Variants in BRCA2 observed in about 807,000 individuals in gnomAD.
The protein encoded by BRCA2 is BRCA2 DNA repair associated.
BRCA2 carries 203 observed loss-of-function variants against 276.7 expected under a neutral mutation model. The ratio of observed to expected loss-of-function variants is 0.73; its 90% CI spans 0.65 to 0.82. BRCA2 has a LOEUF of 0.82. BRCA2 is among the 40% of genes least tolerant of loss of function. BRCA2 has a pLI of 0.00. For missense variants in BRCA2, 3,920 were observed against 3,915.0 expected, an observed-to-expected ratio of 1.00 and a Z score of -0.03; for synonymous variants, 1,289 against 1,338.4, an observed-to-expected ratio of 0.96 and a Z score of 0.81.
At chr13:32,324,566 A>G (rs1181771728) in intron 3 of BRCA2, among the ~76,000 whole-genome samples, 1 of 152,194 alleles carries the variant, frequency 6.6e-6, no homozygotes, top group Non-Finnish European at 1.5e-5. Context: ...TTTTTAGCAC[A>G]AGTGATATTG....
At chr13:32,356,010 A>G (rs2137560690) in intron 14 of BRCA2, among the ~76,000 whole-genome samples, 1 of 151,878 alleles carries the variant, frequency 6.6e-6, no homozygotes, top group African/African-American at 2.4e-5. Flanking sequence ...AACTTCGAGG[A>G]AATTGATATG....
intron 18 of BRCA2, among the ~76,000 whole-genome samples, chr13:32,368,266 C>T (rs866715255): frequency 2.8e-4 from 43 of 151,828 alleles, no homozygotes; most frequent in South Asian, 6.2e-4. Context: ...GTGATCTGCC[C>T]GCCTTGGCCT....
At chr13:32,327,386 G>T (rs564149674) in intron 7 of BRCA2, among the ~76,000 whole-genome samples, 2 of 152,282 alleles carry the variant, frequency 1.3e-5, no homozygotes, top group African/African-American at 4.8e-5. Context: ...GGCAGAGGGT[G>T]CAGTGAGCCG....
chr13:32,377,794 G>A (rs2137616125), intron 21 of BRCA2, among the ~76,000 whole-genome samples: 1 of 152,248 alleles, frequency 6.6e-6, no homozygotes, highest in South Asian at 2.1e-4. Flanking sequence ...GGAGGAAGGA[G>A]CAAATATTTT....
rs1247198934 is a variant in BRCA2 at position 32,363,405 on chromosome 13, C to T, written c.8203C>T (p.Pro2735Ser). ...TGCTGTTAAGGCCCAGTTAGATCCT[C>T]CCCTCTTAGCTGTCTTAAAGAATGG... ...WYAVKAQLDP[P>S]LLAVLKNGRL... Residue 2735 changes from proline to serine, a missense_variant, in exon 18 of 27, where the codon CCC (proline) becomes TCC (serine). By Grantham distance (74) the Pro-to-Ser change is moderately conservative (BLOSUM62 -1). Coordinates refer to ENST00000380152, the MANE Select transcript of BRCA2 (RefSeq NM_000059.4). 1 of 1,614,030 alleles carries T rather than the reference C, an allele frequency of 6.2e-7. No homozygotes were observed. Among genetic ancestry groups the T allele is most frequent in the Admixed American group, 1.7e-5 (1 of 60,004 alleles).
rs2137462003 is a variant in BRCA2 at position 32,330,997 on chromosome 13, G to C, written c.760G>C (p.Glu254Gln). ...ATTTATCGCTTCTGTGACAGACAGT[G>C]AAAACACAAATCAAAGAGAAGCTGC... is the stretch of plus-strand genomic sequence containing the variant. ...DRFIASVTDSENTNQREAASH... is the reference protein window; with the variant it reads ...DRFIASVTDSQNTNQREAASH... Residue 254 changes from glutamate (E) to glutamine (Q), a missense_variant, in exon 9 of 27, where the codon GAA (glutamate) becomes CAA (glutamine). Transcript: ENST00000380152. The C allele has an allele frequency of 6.2e-7, 1 of 1,613,022 alleles. No individual in the cohort carries two copies. The highest frequency in any genetic ancestry group is 8.5e-7 in the Non-Finnish European group (1 of 1,179,116).
At position 32,337,103 on chromosome 13, in the gene BRCA2, T is replaced by C; in HGVS notation, c.2748T>C (p.Cys916=). The change falls in exon 11 of 27, where the codon TGT becomes TGC. Residue 916 remains cysteine (C), a synonymous_variant. Coordinates refer to ENST00000380152, the MANE Select transcript of BRCA2 (RefSeq NM_000059.4). The part of the protein sequence containing the change: ...TKELHETDLT[C]VNEPIFKNST... ...AACTTCATGAAACAGACTTGACTTG[T>C]GTAAACGAACCCATTTTCAAGAACT... The C allele has an allele frequency of 1.2e-6, 2 of 1,613,872 alleles. No individual in the cohort carries two copies. The highest frequency in any genetic ancestry group is 8.5e-7 in the Non-Finnish European group (1 of 1,179,902).
intron 3 of BRCA2, among the ~76,000 whole-genome samples, chr13:32,324,225 C>T (rs1406885922): frequency 6.6e-6 from 1 of 152,230 alleles, no homozygotes; most frequent in Middle Eastern, 3.4e-3. Flanking sequence ...TTAATCTTAC[C>T]TTAGGGATCA....
rs561002197 is a variant in BRCA2, at chr13:32,332,465, G to A, written c.987G>A (p.Arg329=). The part of the protein sequence containing the change: ...NLQKVRTSKT[R]KKIFHEANAD... ...AAAAAGTAAGAACTAGCAAGACTAG[G>A]AAAAAAATTTTCCATGAAGCAAACG... The change falls in exon 10 of 27, where the codon AGG becomes AGA. Residue 329 remains arginine (R), a synonymous_variant. Transcript: ENST00000380152. 186 of 1,592,942 alleles carry A rather than the reference G, an allele frequency of 1.2e-4. 2 individuals are homozygous for A. The South Asian group carries it at 2.0e-3, about 17-fold the overall frequency.
intron 3 of BRCA2, among the ~76,000 whole-genome samples, chr13:32,320,216 T>G (rs889714851): frequency 6.6e-6 from 1 of 152,214 alleles, no homozygotes; most frequent in Non-Finnish European, 1.5e-5. Context: ...GAAATTGAAT[T>G]TGTTTGGTTG....
chr13:32,324,292 G>A (rs774602316), intron 3 of BRCA2, among the ~76,000 whole-genome samples: 16 of 152,126 alleles, frequency 1.1e-4, no homozygotes, highest in Admixed American at 9.8e-4. Flanking sequence ...GTTGTTCCAG[G>A]TCAAGAAAAG....
At chr13:32,384,014 C>T (rs1011131887) in intron 24 of BRCA2, among the ~76,000 whole-genome samples, 2 of 152,110 alleles carry the variant, frequency 1.3e-5, no homozygotes, top group Admixed American at 1.3e-4. Context: ...ACATGACCAT[C>T]GTGATGACAG....
intron 12 of BRCA2, among the ~76,000 whole-genome samples, chr13:32,345,600 T>C (rs928693245): frequency 4.6e-5 from 7 of 152,064 alleles, no homozygotes; most frequent in Admixed American, 4.6e-4. Flanking sequence ...AGTATCCCTA[T>C]CTGAAATGCT....
chr13:32,364,890 C>T (rs1038285707), intron 18 of BRCA2, among the ~76,000 whole-genome samples: 4 of 152,068 alleles, frequency 2.6e-5, no homozygotes, highest in Non-Finnish European at 1.5e-5. Flanking sequence ...GTTAGAAACC[C>T]CATTTCCTGG....
At chr13:32,365,059 G>C (rs987001485) in intron 18 of BRCA2, among the ~76,000 whole-genome samples, 2 of 143,878 alleles carry the variant, frequency 1.4e-5, no homozygotes, top group Admixed American at 7.0e-5. Flanking sequence ...GAATTTTTAA[G>C]ACATTTCATT....
chr13:32,347,549 T>C (rs1197523169), intron 13 of BRCA2, among the ~76,000 whole-genome samples: 1 of 152,190 alleles, frequency 6.6e-6, no homozygotes, highest in Admixed American at 6.5e-5. Flanking sequence ...AAGGTTGTTC[T>C]TGAAAAAGAT....
intron 20 of BRCA2, among the ~76,000 whole-genome samples, chr13:32,374,165 C>T (rs2072855520): frequency 6.6e-6 from 1 of 152,248 alleles, no homozygotes; most frequent in Non-Finnish European, 1.5e-5. Context: ...GGCCTTGGGC[C>T]CAGCCCACAA....
At chr13:32,347,305 T>C (rs2072618733) in intron 13 of BRCA2, among the ~76,000 whole-genome samples, 1 of 152,082 alleles carries the variant, frequency 6.6e-6, no homozygotes, top group Non-Finnish European at 1.5e-5. Context: ...AACAAAAGTT[T>C]GGAAGCCAAA....
chr13:32,385,441 GTCTTC>G (rs1652903347), intron 24 of BRCA2: 1 of 211,910 alleles, frequency 4.7e-6, no homozygotes, highest in Non-Finnish European at 1.0e-5. Context: ...CTTTGGATAT[GTCTTC>G]TCTTCTTACT....
Sources: allele counts gnomAD v4.1 joint callset (sites outside exome capture counted in the v4.1 genomes callset), GRCh38; gene constraint gnomAD v4.1.1; transcripts MANE v1.5; gene names NCBI Gene and HGNC (gene_info 2026-07-23, HGNC 2026-07-21).